ADAMTS2: variants seen among roughly 807,000 people sequenced by gnomAD.
ADAMTS2 encodes the protein ADAM metallopeptidase with thrombospondin type 1 motif 2.
Under a neutral mutation model 123.0 loss-of-function variants are expected in ADAMTS2, and 50 were observed. The ratio of observed to expected loss-of-function variants is 0.41; its 90% CI spans 0.32 to 0.51. The LOEUF (loss-of-function observed/expected upper bound fraction) is 0.51, where lower values mean the gene tolerates loss of function less well. ADAMTS2 is among the 20% of genes least tolerant of loss of function. The pLI is 0.35. For missense variants in ADAMTS2, 1,494 were observed against 1,705.2 expected, an observed-to-expected ratio of 0.88 and a Z score of 2.18; for synonymous variants, 678 against 695.4, an observed-to-expected ratio of 0.98 and a Z score of 0.39.
Position 179,125,030 on chromosome 5 carries a change from G to T in ADAMTS2, c.2901C>A (p.Arg967=). ...KHCNDARPES[R]RACSRELCPG... is the part of the protein sequence containing the mutation. ...GGCAGAGCTCGCGGCTGCAGGCCCG[G>T]CGGCTCTCGGGCCGGGCGTCATTGC... The change falls in exon 19 of 22, where the codon CGC becomes CGA. Residue 967 remains arginine (R), a synonymous_variant. Transcript: ENST00000251582. 1 of 1,608,120 alleles carries T rather than the reference G, an allele frequency of 6.2e-7. No individual in the cohort carries two copies.
rs1480951916 is a variant in ADAMTS2, at chr5:179,129,740, G to C, written c.2457+192C>G. 6.6e-6 allele frequency among the ~76,000 whole-genome samples: 1 copy of C among 152,222 alleles called. No homozygotes were observed. The highest frequency in any genetic ancestry group is 1.5e-5 in the Non-Finnish European group (1 of 68,040). On this transcript the variant is annotated intron_variant, in intron 16 of 21. Transcript: ENST00000251582. The surrounding 1 kb of genome is among the most constrained non-coding windows in gnomAD (Gnocchi z 4.1). The stretch of plus-strand genomic sequence containing the variant: ...TCACCTAGGGGTCATGTGGGGTCCA[G>C]AGCCCCGGCTCGTGGATGCATGTCC...
rs537699455 is a variant in ADAMTS2 at position 179,154,938 on chromosome 5, C to T, written c.1133-19G>A. On this transcript the variant is annotated intron_variant, in intron 6 of 21. Coordinates refer to ENST00000251582, the MANE Select transcript of ADAMTS2 (RefSeq NM_014244.5). Reference sequence around the variant, plus strand: ...GCATAGCCTGGGAGGAGACAAGAGGCGGCTCCAGATGCTGCCATAGCCTGG... The same window carrying T: ...GCATAGCCTGGGAGGAGACAAGAGGTGGCTCCAGATGCTGCCATAGCCTGG... 51 of 1,606,364 alleles carry T rather than the reference C, an allele frequency of 3.2e-5. No homozygotes were observed. The highest frequency in any genetic ancestry group is 8.9e-5 in the East Asian group (4 of 44,706).
chr5:179,151,446 T>G (rs750538834), intron 10 of ADAMTS2, among the ~76,000 whole-genome samples: 8 of 152,090 alleles, frequency 5.3e-5, no homozygotes, highest in Non-Finnish European at 1.2e-4. Flanking sequence ...CTGGCTGGGA[T>G]GTGCACCGGT....
At chr5:179,271,606 C>T (rs1766534991) in intron 3 of ADAMTS2, among the ~76,000 whole-genome samples, 1 of 152,202 alleles carries the variant, frequency 6.6e-6, no homozygotes. Context: ...GAGGCTGAGA[C>T]CACAGCTGGA....
intron 2 of ADAMTS2, 96 bp downstream of exon 2, chr5:179,343,671 G>A (rs973316573): frequency 6.7e-7 from 1 of 1,490,286 alleles, no homozygotes. Context: ...AGTCCTCAGC[G>A]CAGGCCTTGC....
rs1756925386 is a variant in ADAMTS2 at position 179,314,474 on chromosome 5, A to G, written c.534+29293T>C. On this transcript the variant is annotated intron_variant, in intron 2 of 21. Transcript: ENST00000251582. This position sits in a 1 kb window ranked among gnomAD's most constrained non-coding sequence, Gnocchi z 4.5. ...TCAGTTTTCCCTGCTTTTTGAGACA[A>G]GAGTAGTAAATGCACCGTGCTGTAC... 6.6e-6 allele frequency among the ~76,000 whole-genome samples: 1 copy of G among 152,076 alleles called. No homozygotes were observed. The highest frequency in any genetic ancestry group is 2.1e-4 in the South Asian group (1 of 4,822).
chr5:179,291,008 C>T (rs1756169693), intron 2 of ADAMTS2, among the ~76,000 whole-genome samples: 1 of 152,190 alleles, frequency 6.6e-6, no homozygotes, highest in Non-Finnish European at 1.5e-5. Flanking sequence ...CACGGATGCC[C>T]CAGGAGCTCT....
chr5:179,123,640 G>A (rs1198021650), intron 19 of ADAMTS2, among the ~76,000 whole-genome samples: 1 of 152,208 alleles, frequency 6.6e-6, no homozygotes, highest in Admixed American at 6.5e-5. Context: ...TGCCGCCCAG[G>A]CTGGTCTCTA....
At chr5:179,288,323 C>G (rs919417852) in intron 2 of ADAMTS2, among the ~76,000 whole-genome samples, 10 of 152,372 alleles carry the variant, frequency 6.6e-5, no homozygotes, top group African/African-American at 2.4e-4. Flanking sequence ...CCCGGGCGGG[C>G]AGCCCTGCCA....
chr5:179,290,721 C>G (rs1756160790), intron 2 of ADAMTS2, among the ~76,000 whole-genome samples: 1 of 152,236 alleles, frequency 6.6e-6, no homozygotes, highest in Non-Finnish European at 1.5e-5. Context: ...TCTGGCCGGT[C>G]CATTCTTCAC....
chr5:179,333,393 CA>C (rs934340314), intron 2 of ADAMTS2, among the ~76,000 whole-genome samples: 17 of 152,302 alleles, frequency 1.1e-4, no homozygotes, highest in African/African-American at 4.1e-4. Flanking sequence ...TCATGCTGTA[CA>C]AAAGACTCTC....
At chr5:179,184,330 G>A (rs112647030) in intron 4 of ADAMTS2, among the ~76,000 whole-genome samples, 7,618 of 152,048 alleles carry the variant, frequency 0.05, 215 homozygotes, top group African/African-American at 0.076. Flanking sequence ...TGGCCAACAC[G>A]GTGAAACCCT....
chr5:179,259,956 T>C lies in ADAMTS2; in HGVS notation c.688+12955A>G, dbSNP rs117540184. Among the ~76,000 whole-genome samples the C allele has an allele frequency of 2.4e-4, 37 of 152,246 alleles. No individual in the cohort carries two copies. In the East Asian group the frequency reaches 7.2e-3, roughly 29 times the overall value. Reference sequence around the variant, plus strand: ...TTGATTTGCAGGGCACAGTGCAAAATGGAAACGCACAGTCCCTTGTTCAAA... The same window carrying C: ...TTGATTTGCAGGGCACAGTGCAAAACGGAAACGCACAGTCCCTTGTTCAAA... On this transcript the variant is annotated intron_variant, in intron 3 of 21. Transcript: ENST00000251582.
intron 10 of ADAMTS2, among the ~76,000 whole-genome samples, 163 bp downstream of exon 10, chr5:179,151,979 G>A (rs1217979607): frequency 2.6e-5 from 4 of 152,156 alleles, no homozygotes; most frequent in East Asian, 1.9e-4. Context: ...CAGCTCCGGC[G>A]TACAGCGTGT....
intron 2 of ADAMTS2, among the ~76,000 whole-genome samples, chr5:179,277,337 C>T (rs1296656091): frequency 4.7e-5 from 1 of 21,216 alleles, no homozygotes; most frequent in East Asian, 1.7e-3. Flanking sequence ...AGACCAAAGG[C>T]TGACCCCCCT....
chr5:179,181,175 A>T lies in ADAMTS2; in HGVS notation c.892-20T>A, dbSNP rs1764040136. The T allele has an allele frequency of 6.3e-7, 1 of 1,590,798 alleles. No homozygotes were observed. Among genetic ancestry groups the T allele is most frequent in the African/African-American group, 1.3e-5 (1 of 74,474 alleles). On this transcript the variant is annotated intron_variant, in intron 4 of 21. Coordinates refer to ENST00000251582, the MANE Select transcript of ADAMTS2 (RefSeq NM_014244.5). This position sits in a 1 kb window ranked among gnomAD's most constrained non-coding sequence, Gnocchi z 4.1. ...ATTGACCTGAAAGAAACAGGGAGGC[A>T]TCAGCGGGAACCACAGGCCCTAGGA... is the stretch of plus-strand genomic sequence containing the variant.
At chr5:179,304,665 C>T (rs183947932) in intron 2 of ADAMTS2, among the ~76,000 whole-genome samples, 16 of 152,100 alleles carry the variant, frequency 1.1e-4, no homozygotes, top group African/African-American at 2.9e-4. Context: ...CAAACTGCAG[C>T]GAGTAAAAAT....
At chr5:179,226,887 T>C (rs1765303733) in intron 3 of ADAMTS2, among the ~76,000 whole-genome samples, 1 of 152,214 alleles carries the variant, frequency 6.6e-6, no homozygotes, top group Admixed American at 6.5e-5. Context: ...AAGGTCTGGT[T>C]AAGCAAGTGA....
intron 13 of ADAMTS2, among the ~76,000 whole-genome samples, chr5:179,133,742 G>A (rs1343005836): frequency 1.4e-5 from 2 of 148,006 alleles, no homozygotes; most frequent in African/African-American, 5.0e-5. Flanking sequence ...TTTTTTTTGA[G>A]ACAGTCTCGC....
Sources: allele counts gnomAD v4.1 joint callset (sites outside exome capture counted in the v4.1 genomes callset), GRCh38; gene constraint gnomAD v4.1.1; non-coding constraint Gnocchi (gnomAD v3.1); transcripts MANE v1.5; gene names NCBI Gene and HGNC (gene_info 2026-07-23, HGNC 2026-07-21).